The following CD4 variants were observed in gnomAD, a reference collection of about 807,000 sequenced individuals.
CD4 encodes CD4 molecule, also known as T-cell surface glycoprotein CD4.
A neutral mutation model predicts 50.5 loss-of-function variants in CD4; 25 were observed. The ratio of observed to expected loss-of-function variants is 0.49; its 90% CI spans 0.36 to 0.69. The LOEUF is 0.69. CD4 is among the 30% of genes least tolerant of loss of function. The probability of loss-of-function intolerance (pLI) is 0.00; values close to 1 mark genes in which losing one functional copy is unlikely to be tolerated. For synonymous variants in CD4, 207 were observed against 221.9 expected (o/e 0.93, Z 0.60); for missense variants, 456 against 548.5 (o/e 0.83, Z 1.68).
chr12:6,815,740 T>C (rs1555117802), intron 5 of CD4: 2 of 1,368,046 alleles, frequency 1.5e-6, no homozygotes, highest in Non-Finnish European at 1.9e-6. Context: ...GGGTGATGAA[T>C]ACGCCTCTAA....
intron 3 of CD4, among the ~76,000 whole-genome samples, chr12:6,801,859 C>T (rs1942570758): frequency 6.8e-6 from 1 of 147,836 alleles, no homozygotes; most frequent in South Asian, 2.2e-4. Context: ...TGTGCCCGGC[C>T]CAGAATCATT....
rs146569328 is a variant in CD4 at position 6,813,381 on chromosome 12, A to T, written c.215-761A>T. On this transcript the variant is annotated intron_variant, in intron 3 of 9. Transcript: ENST00000011653. The stretch of plus-strand genomic sequence containing the variant: ...ATTTTCTTTTTTAATTTTTTTTTAG[A>T]CATTATAGCTCTTTTTAATGGCCTC... Among the ~76,000 whole-genome samples, 580 of 151,668 alleles carry T rather than the reference A, an allele frequency of 3.8e-3. 2 individuals are homozygous for T. The highest frequency in any genetic ancestry group is 6.7e-3 in the Non-Finnish European group (458 of 67,904).
At chr12:6,801,592 G>A (rs1219382020) in intron 3 of CD4, among the ~76,000 whole-genome samples, 2 of 150,396 alleles carry the variant, frequency 1.3e-5, no homozygotes, top group African/African-American at 2.4e-5. Flanking sequence ...ACAGAGTCTC[G>A]TTCTGTCGCC....
intron 1 of CD4, among the ~76,000 whole-genome samples, chr12:6,791,664 T>C (rs1159819831): frequency 6.6e-6 from 1 of 152,190 alleles, no homozygotes; most frequent in Non-Finnish European, 1.5e-5. Context: ...GAGGATGGCT[T>C]GAACCTGGGA....
intron 1 of CD4, among the ~76,000 whole-genome samples, chr12:6,794,067 T>G (rs556294900): frequency 6.6e-6 from 1 of 151,522 alleles, no homozygotes; most frequent in Admixed American, 6.6e-5. Context: ...TCTTATCTAT[T>G]GATCTATCTA....
chr12:6,804,151 T>G (rs201495903), intron 3 of CD4, among the ~76,000 whole-genome samples: 2 of 115,540 alleles, frequency 1.7e-5, no homozygotes, highest in Non-Finnish European at 1.9e-5. Flanking sequence ...AATAAATAAA[T>G]AAAATAAAAA....
In CD4 at chr12:6,818,092, G is replaced by GCA. The variant is rs557059015; in HGVS notation, c.1157-325_1157-324dup. Among the ~76,000 whole-genome samples the GCA allele has an allele frequency of 0.03, 1,839 of 61,734 alleles. 46 individuals are homozygous for GCA. The highest frequency in any genetic ancestry group is 0.057 in the African/African-American group (1,761 of 30,662). 40.5% of individuals were successfully genotyped at this position (61,734 alleles called of 152,430 possible). On this transcript the variant is annotated intron_variant, in intron 7 of 9. Coordinates refer to ENST00000011653, the MANE Select transcript of CD4 (RefSeq NM_000616.5). The surrounding 1 kb of genome is among the most constrained non-coding windows in gnomAD (Gnocchi z 5.0). ...CACATTCACACATGGACTCACACGCGCACACGCGCGCACACACACACATTC... is the reference window on the plus strand; with the variant it reads ...CACATTCACACATGGACTCACACGCGCACACACGCGCGCACACACACACATTC...
chr12:6,814,058 C>G, intron 3 of CD4, 84 bp from the exon 4 acceptor site: 1 of 1,199,810 alleles, frequency 8.3e-7, no homozygotes, highest in Non-Finnish European at 1.2e-6. Context: ...CAACTGATAT[C>G]AGAAGAGCCG....
chr12:6,813,889 A>G (rs1268489182), intron 3 of CD4, among the ~76,000 whole-genome samples: 1 of 152,186 alleles, frequency 6.6e-6, no homozygotes, highest in Non-Finnish European at 1.5e-5. Context: ...ATGCCTGTAA[A>G]GTATTTGGCA....
In CD4 at chr12:6,818,310, C is replaced by T; in HGVS notation, c.1157-111C>T. On this transcript the variant is annotated intron_variant, in intron 7 of 9. Coordinates refer to ENST00000011653, the MANE Select transcript of CD4 (RefSeq NM_000616.5). This position sits in a 1 kb window ranked among gnomAD's most constrained non-coding sequence, Gnocchi z 5.0. ...GCCCCCAGGCACCCCTCCCCTCTCC[C>T]CCAACCCCAGGGTCAAACCAGAGAC... is the stretch of plus-strand genomic sequence containing the variant. 6.9e-7 allele frequency: 1 copy of T among 1,446,948 alleles called. No individual in the cohort carries two copies. The highest frequency in any genetic ancestry group is 9.4e-7 in the Non-Finnish European group (1 of 1,061,818). The allele number at this position is 1,446,948 out of a possible 1,614,324, so 89.6% of individuals were successfully genotyped here. A position where few individuals can be genotyped will look rare whatever the true frequency, so the allele number is the denominator to read the frequency against.
rs1027282619 is a variant in CD4, at chr12:6,793,621, C to T, written c.-68+3959C>T. Among the ~76,000 whole-genome samples, 7 of 151,682 alleles carry T rather than the reference C, an allele frequency of 4.6e-5. No homozygotes were observed. In the South Asian group the frequency reaches 6.2e-4, roughly 14 times the overall value. ...CTGACCTCTTTTCTTCCTACTTCCC[C>T]GGTTTAAACAAAATTGTATCTATCT... is the stretch of plus-strand genomic sequence containing the variant. On this transcript the variant is annotated intron_variant, in intron 1 of 9. Transcript: ENST00000011653.
chr12:6,802,509 T>C (rs1942594670), intron 3 of CD4, among the ~76,000 whole-genome samples: 1 of 151,892 alleles, frequency 6.6e-6, no homozygotes, highest in Non-Finnish European at 1.5e-5. Context: ...GACTTCACCA[T>C]GTTGCTCAGG....
chr12:6,801,709 T>TGCCC (rs1565492526), intron 3 of CD4, among the ~76,000 whole-genome samples: 2 of 150,320 alleles, frequency 1.3e-5, no homozygotes, highest in Non-Finnish European at 3.0e-5. Flanking sequence ...TACAGGCGTA[T>TGCCC]GCCACCATGC....
chr12:6,795,117 TATCTATCTATCTATCTATCTA>T (rs1736453465), intron 1 of CD4, among the ~76,000 whole-genome samples: 1 of 151,832 alleles, frequency 6.6e-6, no homozygotes, highest in Non-Finnish European at 1.5e-5. Flanking sequence ...TCTATCTATC[TATCTATCTATCTATCTATCTA>T]ATCTATCTTT....
At chr12:6,813,025 G>A (rs999175806) in intron 3 of CD4, among the ~76,000 whole-genome samples, 8 of 151,754 alleles carry the variant, frequency 5.3e-5, no homozygotes, top group Non-Finnish European at 1.0e-4. Context: ...TCCCACCTCA[G>A]CCTCCGGCAT....
At chr12:6,801,344 C>A (rs1488198146) in intron 3 of CD4, among the ~76,000 whole-genome samples, 4 of 150,066 alleles carry the variant, frequency 2.7e-5, no homozygotes, top group Non-Finnish European at 5.9e-5. Context: ...TGGTGAAACC[C>A]GGTCTCTACT....
chr12:6,817,071 C>G, intron 6 of CD4, 59 bp from the exon 7 acceptor site: 1 of 1,436,952 alleles, frequency 7.0e-7, no homozygotes. Flanking sequence ...TATAGAGTAT[C>G]ATTTTAATTG....
chr12:6,803,394 C>T (rs557531834), intron 3 of CD4, among the ~76,000 whole-genome samples: 1 of 151,952 alleles, frequency 6.6e-6, no homozygotes, highest in African/African-American at 2.4e-5. Context: ...AGTGATCTAC[C>T]CACCTTGGCC....
At chr12:6,814,113 GT>G in intron 3 of CD4, 28 bp from the exon 4 acceptor site, 3 of 1,605,372 alleles carry the variant, frequency 1.9e-6, no homozygotes, top group Admixed American at 1.7e-5. Context: ...GGGCGCCTCA[GT>G]CCCCCCCCAT....
Sources: gnomAD v4.1 joint callset for allele counts (sites outside exome capture counted in the v4.1 genomes callset) on GRCh38, gnomAD v4.1.1 for gene constraint, Gnocchi (gnomAD v3.1) non-coding constraint, MANE v1.5 for transcripts, NCBI Gene and HGNC (gene_info 2026-07-23, HGNC 2026-07-21) for gene names.